RYR2: variants seen among roughly 807,000 people sequenced by gnomAD.
The protein encoded by RYR2 is ryanodine receptor 2.
In RYR2, 227 loss-of-function variants were observed where a neutral mutation model predicts 601.1. The ratio of observed to expected loss-of-function variants is 0.38; its 90% CI spans 0.34 to 0.42. RYR2 has a LOEUF of 0.42. Ranked by LOEUF, RYR2 falls within the 10% of genes least tolerant of loss-of-function variation. The probability of loss-of-function intolerance (pLI) is 1.00; values close to 1 mark genes in which losing one functional copy is unlikely to be tolerated. For missense variants in RYR2, 4,646 were observed against 6,156.5 expected, an observed-to-expected ratio of 0.75 and a Z score of 8.21; for synonymous variants, 2,223 against 2,175.1, an observed-to-expected ratio of 1.02 and a Z score of -0.61.
intron 1 of RYR2, among the ~76,000 whole-genome samples, chr1:237,119,733 T>G (rs958574284): frequency 2.6e-5 from 4 of 152,222 alleles, no homozygotes; most frequent in Admixed American, 2.0e-4. Flanking sequence ...AGGACCTGCC[T>G]TCCATTGCCT....
At chr1:237,571,160 A>G (rs983960107) in intron 29 of RYR2, among the ~76,000 whole-genome samples, 9 of 152,122 alleles carry the variant, frequency 5.9e-5, no homozygotes, top group African/African-American at 2.2e-4. Flanking sequence ...TTCAAAGATA[A>G]GCCAACACTT....
intron 1 of RYR2, among the ~76,000 whole-genome samples, chr1:237,256,458 A>G (rs1280716768): frequency 6.6e-6 from 1 of 152,138 alleles, no homozygotes; most frequent in African/African-American, 2.4e-5. Context: ...TCAGTAGATT[A>G]CCATTTCAAA....
intron 1 of RYR2, among the ~76,000 whole-genome samples, chr1:237,247,032 T>C (rs564720219): frequency 2.6e-5 from 4 of 152,350 alleles, no homozygotes; most frequent in African/African-American, 7.2e-5. Context: ...AACTGAAAGA[T>C]AACTTTTTGA....
chr1:237,290,031 A>G (rs1421210), intron 2 of RYR2, among the ~76,000 whole-genome samples: 83,158 of 152,008 alleles, frequency 0.55, 23,693 homozygotes, highest in Admixed American at 0.62. Context: ...TGGCCTACTC[A>G]TGGTTATTTA....
chr1:237,473,459 T>A (rs12143921), intron 17 of RYR2, among the ~76,000 whole-genome samples: 19 of 136,570 alleles, frequency 1.4e-4, no homozygotes, highest in Non-Finnish European at 2.4e-4. Context: ...CTTTCTTTCT[T>A]TCTATCTATC....
intron 24 of RYR2, among the ~76,000 whole-genome samples, chr1:237,514,140 C>A (rs1018555475): frequency 1.3e-5 from 2 of 152,196 alleles, no homozygotes; most frequent in African/African-American, 4.8e-5. Context: ...TAATTCATAG[C>A]AGCTCATTAT....
Position 237,594,885 on chromosome 1 carries a change from GGTTTTTTTTTTTTTTTTTTTTT to G in RYR2, c.4437-612_4437-591del, listed in dbSNP as rs1675641680. On this transcript the variant is annotated intron_variant, in intron 33 of 104. Transcript: ENST00000366574. ...GTGGCATTTGTGGTTAATATCACTG[GGTTTTTTTTTTTTTTTTTTTTT>G]TTTTTTTTTTTTTTTTTTTTTTTTG... is the stretch of plus-strand genomic sequence containing the variant. 1.3e-4 allele frequency among the ~76,000 whole-genome samples: 10 copies of G among 79,050 alleles called. No individual in the cohort carries two copies. In the South Asian group the frequency reaches 1.8e-3, roughly 14 times the overall value. 51.9% of individuals were successfully genotyped at this position (79,050 alleles called of 152,430 possible). A position where few individuals can be genotyped will look rare whatever the true frequency, so the allele number is the denominator to read the frequency against.
At position 237,454,490 on chromosome 1, in the gene RYR2, C is replaced by A. The variant is rs749032742; in HGVS notation, c.1392C>A (p.His464Gln). The A allele has an allele frequency of 7.1e-5, 115 of 1,612,356 alleles. No individual in the cohort carries two copies. In the Middle Eastern group the frequency reaches 8.3e-4, roughly 12 times the overall value. Residue 464 changes from histidine to glutamine, a missense_variant, in exon 15 of 105, where the codon CAC becomes CAA. Transcript: ENST00000366574. The stretch of plus-strand genomic sequence containing the variant: ...TGCAGGATCTCATTGGCTACTTCCA[C>A]CCCCCAGATGAGCATTTAGAGCATG... ...LSLQDLIGYFHPPDEHLEHED... is the reference protein window; with the variant it reads ...LSLQDLIGYFQPPDEHLEHED...
chr1:237,288,217 GC>G (rs1207813985), intron 2 of RYR2, among the ~76,000 whole-genome samples: 1 of 152,160 alleles, frequency 6.6e-6, no homozygotes, highest in Non-Finnish European at 1.5e-5. Context: ...TGCAGGTGGT[GC>G]GAGTGTGCAA....
At chr1:237,822,287 G>A (rs1429010548) in intron 101 of RYR2, among the ~76,000 whole-genome samples, 1 of 152,152 alleles carries the variant, frequency 6.6e-6, no homozygotes, top group Non-Finnish European at 1.5e-5. Flanking sequence ...GAGAAAGGTC[G>A]GGTTACCGAC....
intron 1 of RYR2, among the ~76,000 whole-genome samples, chr1:237,183,205 T>A (rs1678984891): frequency 6.6e-6 from 1 of 152,198 alleles, no homozygotes; most frequent in Non-Finnish European, 1.5e-5. Flanking sequence ...CTTAACCGTT[T>A]ACATGCAGAA....
chr1:237,584,481 G>T (rs1674283287), intron 29 of RYR2, among the ~76,000 whole-genome samples: 1 of 151,958 alleles, frequency 6.6e-6, no homozygotes, highest in South Asian at 2.1e-4. Context: ...GGTTATTTTT[G>T]ATTTTGTTCA....
At chr1:237,828,588 A>G (rs1467346863) in intron 102 of RYR2, 143 bp downstream of exon 102, 12 of 584,978 alleles carry the variant, frequency 2.1e-5, no homozygotes, top group Non-Finnish European at 3.4e-5. Context: ...TTTTCCATTC[A>G]AGCAATACAT....
chr1:237,395,864 C>G (rs1431664431), intron 10 of RYR2, among the ~76,000 whole-genome samples: 1 of 151,956 alleles, frequency 6.6e-6, no homozygotes, highest in East Asian at 1.9e-4. Flanking sequence ...CTTTAACTTC[C>G]CCACACTTTC....
chr1:237,557,981 CAG>C (rs1559024100), intron 27 of RYR2, among the ~76,000 whole-genome samples: 1 of 152,024 alleles, frequency 6.6e-6, no homozygotes, highest in African/African-American at 2.4e-5. Context: ...TAGAGAGAAA[CAG>C]AGGGTTAAAA....
rs145124316 is a variant in RYR2 at position 237,203,053 on chromosome 1, G to A, written c.49-67444G>A. Among the ~76,000 whole-genome samples the A allele has an allele frequency of 2.1e-4, 32 of 152,276 alleles. No homozygotes were observed. In the East Asian group the frequency reaches 5.0e-3, roughly 24 times the overall value. On this transcript the variant is annotated intron_variant, in intron 1 of 104. Transcript: ENST00000366574. ...GTGGCCCAGACAGCAGCTTCTAAGC[G>A]GATGGAGCCTGAACCCACCCAGTTT...
chr1:237,784,876 A>AG lies in RYR2; in HGVS notation c.13166dup (p.Gln4390ThrfsTer8), dbSNP rs751989258. ...TTGGCCTGGATCTGAAGAGAGAAGG[A>AG]GGACAGTACAAACTGATTCCTCATA... On this transcript the variant is annotated frameshift_variant, in exon 90 of 105. Transcript: ENST00000366574. LOFTEE classifies it high-confidence loss of function. The surrounding 1 kb of genome is among the most constrained non-coding windows in gnomAD (Gnocchi z 7.1). 6.2e-7 allele frequency: 1 copy of AG among 1,613,644 alleles called. No homozygotes were observed. Among genetic ancestry groups the AG allele is most frequent in the Non-Finnish European group, 8.5e-7 (1 of 1,179,742 alleles).
At chr1:237,064,147 T>G (rs1265407356) in intron 1 of RYR2, among the ~76,000 whole-genome samples, 2 of 152,202 alleles carry the variant, frequency 1.3e-5, no homozygotes, top group Non-Finnish European at 2.9e-5. Context: ...TTTTCTCATG[T>G]CTCTTTTACA....
chr1:237,599,311 T>C (rs1426987654), intron 34 of RYR2, among the ~76,000 whole-genome samples: 1 of 152,114 alleles, frequency 6.6e-6, no homozygotes, highest in Non-Finnish European at 1.5e-5. Context: ...GGCATCCAAA[T>C]TGGAAAAGAA....
Sources: gnomAD v4.1 joint callset for allele counts (sites outside exome capture counted in the v4.1 genomes callset) on GRCh38, gnomAD v4.1.1 for gene constraint, Gnocchi (gnomAD v3.1) non-coding constraint, MANE v1.5 for transcripts, NCBI Gene and HGNC (gene_info 2026-07-23, HGNC 2026-07-21) for gene names.